Variants in LRPPRC observed in about 807,000 individuals in gnomAD.
The protein encoded by LRPPRC is leucine rich pentatricopeptide repeat containing.
A neutral mutation model predicts 180.3 loss-of-function variants in LRPPRC; 120 were observed. The ratio of observed to expected loss-of-function variants is 0.67; its 90% CI spans 0.57 to 0.77. LRPPRC has a LOEUF of 0.77. Among genes scored for constraint, LRPPRC ranks in the 30% least tolerant of loss-of-function variants. LRPPRC has a pLI of 0.00. For synonymous variants in LRPPRC, 723 were observed against 600.0 expected (o/e 1.21, Z -3.00); for missense variants, 2,012 against 1,657.2 (o/e 1.21, Z -3.72).
At chr2:43,909,853 T>C (rs1361292076) in intron 30 of LRPPRC, among the ~76,000 whole-genome samples, 1 of 152,002 alleles carries the variant, frequency 6.6e-6, no homozygotes, top group Admixed American at 6.6e-5. Flanking sequence ...GTTTCACAGG[T>C]TGTAAATTTA....
rs550924442 is a variant in LRPPRC, at chr2:43,941,329, T to G, written c.2504+2358A>C. On this transcript the variant is annotated intron_variant, in intron 23 of 37. Coordinates refer to ENST00000260665, the MANE Select transcript of LRPPRC (RefSeq NM_133259.4). ...TCAGAATTACAACACGAAAGTGATA[T>G]TCTCTTTAGAGCCTTTTACAGTGAC... is the stretch of plus-strand genomic sequence containing the variant. Among the ~76,000 whole-genome samples, 96 of 152,306 alleles carry G rather than the reference T, an allele frequency of 6.3e-4. No homozygotes were observed. The Middle Eastern group carries it at 0.014, about 22-fold the overall frequency.
At chr2:43,974,846 C>T in intron 7 of LRPPRC, 88 bp from the exon 8 acceptor site, 1 of 1,374,028 alleles carries the variant, frequency 7.3e-7, no homozygotes, top group South Asian at 1.2e-5. Flanking sequence ...ATTCAAAAAA[C>T]TAGGGAAAAA....
At chr2:43,987,195 T>C (rs898411260) in intron 1 of LRPPRC, among the ~76,000 whole-genome samples, 1 of 152,120 alleles carries the variant, frequency 6.6e-6, no homozygotes, top group African/African-American at 2.4e-5. Flanking sequence ...TAATGCCTTT[T>C]AAAAATGTTT....
intron 8 of LRPPRC, 62 bp downstream of exon 8, chr2:43,974,552 C>CA: frequency 1.7e-6 from 2 of 1,170,476 alleles, no homozygotes; most frequent in Non-Finnish European, 2.5e-6. Context: ...TCCTTTCCAT[C>CA]ATGTAAGAAT....
intron 1 of LRPPRC, among the ~76,000 whole-genome samples, chr2:43,995,528 T>C (rs940511826): frequency 4.6e-5 from 7 of 152,194 alleles, no homozygotes; most frequent in African/African-American, 1.2e-4. Flanking sequence ...TGACCATGGG[T>C]ACCCCGAGGG....
intron 1 of LRPPRC, among the ~76,000 whole-genome samples, chr2:43,984,948 C>T (rs1290456573): frequency 1.3e-5 from 2 of 151,740 alleles, no homozygotes; most frequent in African/African-American, 4.8e-5. Flanking sequence ...TAAATGTTTT[C>T]TTGTAAAATC....
chr2:43,918,272 G>A lies in LRPPRC; in HGVS notation c.3023C>T (p.Pro1008Leu), dbSNP rs780252803. The change falls in exon 28 of 38, where the codon CCG becomes CTG. Residue 1008 changes from proline (P) to leucine (L), a missense_variant. Transcript: ENST00000260665. ...EILREGNQEV[P>L]FDVPELWYED... ...AACAATTACCTCAGGTACGTCAAAC[G>A]GAACTTCCTGGTTACCCTCTCTAAG... 5 of 1,613,024 alleles carry A rather than the reference G, an allele frequency of 3.1e-6. No individual in the cohort carries two copies. Among genetic ancestry groups the A allele is most frequent in the East Asian group, 4.5e-5 (2 of 44,860 alleles).
At chr2:43,951,684 G>A (rs2103628493) in intron 14 of LRPPRC, among the ~76,000 whole-genome samples, 1 of 152,204 alleles carries the variant, frequency 6.6e-6, no homozygotes, top group Admixed American at 6.5e-5. Context: ...CCAAAATCTT[G>A]GCTGTTAAAG....
intron 23 of LRPPRC, among the ~76,000 whole-genome samples, chr2:43,939,973 G>T (rs1301140257): frequency 6.6e-6 from 1 of 152,162 alleles, no homozygotes; most frequent in Non-Finnish European, 1.5e-5. Flanking sequence ...AGGCTCAACA[G>T]GATTTTCTGA....
At chr2:43,920,768 T>C (rs1671672121) in intron 27 of LRPPRC, among the ~76,000 whole-genome samples, 1 of 152,022 alleles carries the variant, frequency 6.6e-6, no homozygotes, top group African/African-American at 2.4e-5. Flanking sequence ...CCTTGTGGAC[T>C]GTGGGAAGAC....
chr2:43,888,536 C>T lies in LRPPRC; in HGVS notation c.*64G>A, dbSNP rs1461504725. On this transcript the variant is annotated 3_prime_UTR_variant, in exon 38 of 38. Coordinates refer to ENST00000260665, the MANE Select transcript of LRPPRC (RefSeq NM_133259.4). ...TTCATTTATTTTTCCCTCAGATATA[C>T]TTCAAAATAACATGTAGACACAGAA... 4 of 1,051,542 alleles carry T rather than the reference C, an allele frequency of 3.8e-6. No individual in the cohort carries two copies. Among genetic ancestry groups the T allele is most frequent in the East Asian group, 2.4e-5 (1 of 42,158 alleles). The allele number at this position is 1,051,542 out of a possible 1,614,324, so 65.1% of individuals were successfully genotyped here.
Position 43,923,975 on chromosome 2 carries a change from G to A in LRPPRC, c.2896+1092C>T, listed in dbSNP as rs1671787862. Among the ~76,000 whole-genome samples, 3 of 152,130 alleles carry A rather than the reference G, an allele frequency of 2.0e-5. No individual in the cohort carries two copies. In the South Asian group the frequency reaches 6.2e-4, roughly 32 times the overall value. Reference sequence around the variant, plus strand: ...ATACCAAACTCAGCATTGTGTGCAAGAATTTGATCATCGTTCAAGCCAAAG... The same window carrying A: ...ATACCAAACTCAGCATTGTGTGCAAAAATTTGATCATCGTTCAAGCCAAAG... On this transcript the variant is annotated intron_variant, in intron 27 of 37. Transcript: ENST00000260665.
In LRPPRC at chr2:43,992,069, G is replaced by A. The variant is rs575247151; in HGVS notation, c.149+3730C>T. Among the ~76,000 whole-genome samples the A allele has an allele frequency of 2.0e-5, 3 of 152,282 alleles. No homozygotes were observed. In the South Asian group the frequency reaches 6.2e-4, roughly 32 times the overall value. ...CAAGCAACTTACAGCCAGCTCCAGA[G>A]TGTTGGTGAGTGCACGTCATAGTGT... On this transcript the variant is annotated intron_variant, in intron 1 of 37. Coordinates refer to ENST00000260665, the MANE Select transcript of LRPPRC (RefSeq NM_133259.4).
intron 13 of LRPPRC, among the ~76,000 whole-genome samples, chr2:43,957,740 T>G (rs1034398032): frequency 8.5e-5 from 13 of 152,124 alleles, no homozygotes; most frequent in African/African-American, 3.1e-4. Context: ...AGAATCAGAG[T>G]CAGCCTGGTA....
At chr2:43,901,160 T>A (rs1308614858) in intron 32 of LRPPRC, among the ~76,000 whole-genome samples, 160 bp downstream of exon 32, 2 of 152,206 alleles carry the variant, frequency 1.3e-5, no homozygotes, top group Non-Finnish European at 2.9e-5. Flanking sequence ...AAAAACATAT[T>A]TTTCAACATA....
intron 26 of LRPPRC, 45 bp from the exon 27 acceptor site, chr2:43,925,202 G>A (rs1671834026): frequency 2.1e-6 from 2 of 957,496 alleles, no homozygotes; most frequent in Non-Finnish European, 3.4e-6. Flanking sequence ...TGTAAAGGAT[G>A]TATTTTACAG....
At chr2:43,979,326 A>C (rs1674198098) in intron 3 of LRPPRC, among the ~76,000 whole-genome samples, 1 of 152,042 alleles carries the variant, frequency 6.6e-6, no homozygotes, top group Admixed American at 6.5e-5. Context: ...TCTGGAGAAC[A>C]CCCCCATTGG....
intron 12 of LRPPRC, 99 bp downstream of exon 12, chr2:43,963,489 G>C: frequency 2.5e-6 from 2 of 815,488 alleles, no homozygotes; most frequent in East Asian, 4.8e-5. Flanking sequence ...TGACCATTTT[G>C]AGTCCTCAGT....
intron 6 of LRPPRC, among the ~76,000 whole-genome samples, chr2:43,975,566 G>C (rs1014791738): frequency 6.6e-6 from 1 of 151,736 alleles, no homozygotes; most frequent in East Asian, 1.9e-4. Flanking sequence ...CTTCAGATCA[G>C]ATCAAGCCCA....
Sources: gnomAD v4.1 joint callset for allele counts (sites outside exome capture counted in the v4.1 genomes callset) on GRCh38, gnomAD v4.1.1 for gene constraint, MANE v1.5 for transcripts, NCBI Gene and HGNC (gene_info 2026-07-23, HGNC 2026-07-21) for gene names.